SNTB2: variants seen among roughly 807,000 people sequenced by gnomAD.
SNTB2 encodes the protein syntrophin beta 2.
SNTB2 carries 34 observed loss-of-function variants against 46.2 expected under a neutral mutation model. The ratio of observed to expected loss-of-function variants is 0.74; its 90% confidence interval spans 0.56 to 0.98. The LOEUF is 0.98. Among genes scored for constraint, SNTB2 ranks in the 50% least tolerant of loss-of-function variants. SNTB2 has a pLI of 0.00. For missense variants in SNTB2, 603 were observed against 731.4 expected, an observed-to-expected ratio of 0.82 and a Z score of 2.02; for synonymous variants, 290 against 312.6, an observed-to-expected ratio of 0.93 and a Z score of 0.76.
chr16:69,272,636 A>G (rs1246788502), intron 4 of SNTB2, among the ~76,000 whole-genome samples: 1 of 151,742 alleles, frequency 6.6e-6, no homozygotes. Flanking sequence ...TCACGCCTGT[A>G]ATCACAACAC....
intron 5 of SNTB2, among the ~76,000 whole-genome samples, chr16:69,292,637 G>A (rs1343772952): frequency 2.2e-5 from 3 of 136,958 alleles, no homozygotes; most frequent in Non-Finnish European, 4.7e-5. Flanking sequence ...ATTTTTAGTA[G>A]AGGCGGGGTT....
chr16:69,256,296 C>T (rs1373832797), intron 2 of SNTB2, among the ~76,000 whole-genome samples: 3 of 152,164 alleles, frequency 2.0e-5, no homozygotes, highest in Non-Finnish European at 2.9e-5. Flanking sequence ...GTTGGGATTA[C>T]AGGCATGAGT....
intron 2 of SNTB2, among the ~76,000 whole-genome samples, chr16:69,256,772 T>TA (rs919088870): frequency 3.3e-5 from 5 of 152,240 alleles, no homozygotes; most frequent in Non-Finnish European, 5.9e-5. Context: ...GATGCTGCTA[T>TA]AAACATGGGT....
chr16:69,211,652 C>G (rs967815356), intron 1 of SNTB2, among the ~76,000 whole-genome samples: 3 of 151,934 alleles, frequency 2.0e-5, no homozygotes, highest in Non-Finnish European at 2.9e-5. Context: ...TATATTAAAG[C>G]TAGGGCCAAA....
At chr16:69,235,745 C>G in intron 1 of SNTB2, 2 of 1,288,940 alleles carry the variant, frequency 1.6e-6, no homozygotes, top group Non-Finnish European at 2.0e-6. Flanking sequence ...TCTCTGCTTT[C>G]AGGCCTATAA....
intron 3 of SNTB2, 124 bp from the exon 4 acceptor site, chr16:69,270,019 A>T: frequency 9.5e-7 from 1 of 1,052,326 alleles, no homozygotes; most frequent in East Asian, 2.4e-5. Context: ...TGTTTCCTGA[A>T]TGTAAAGTCC....
intron 1 of SNTB2, among the ~76,000 whole-genome samples, chr16:69,234,055 A>G (rs1311928650): frequency 1.3e-5 from 2 of 151,910 alleles, no homozygotes; most frequent in African/African-American, 4.8e-5. Flanking sequence ...AACAAGGGCC[A>G]GGCATGGTGA....
At position 69,304,760 on chromosome 16, in the gene SNTB2, C is replaced by G. The variant is rs541391558; in HGVS notation, c.*3836C>G. On this transcript the variant is annotated 3_prime_UTR_variant, in exon 7 of 7. Transcript: ENST00000336278. ...CTGACTGCAGCCTCAACCTTCTGGG[C>G]TCAAATGATCCTTTCACCTCAGCCT... The G allele has an allele frequency of 6.6e-6, 1 of 151,828 alleles. No homozygotes were observed. Among genetic ancestry groups the G allele is most frequent in the Non-Finnish European group, 1.5e-5 (1 of 68,004 alleles). 9.4% of individuals were successfully genotyped at this position (151,828 alleles called of 1,614,324 possible).
chr16:69,278,332 A>G (rs1004676993), intron 4 of SNTB2, among the ~76,000 whole-genome samples: 6 of 152,174 alleles, frequency 3.9e-5, no homozygotes, highest in Admixed American at 1.3e-4. Context: ...AAAATTAAAA[A>G]AAAAGAAAAT....
intron 1 of SNTB2, among the ~76,000 whole-genome samples, chr16:69,209,832 G>A (rs1486905893): frequency 6.6e-6 from 1 of 151,868 alleles, no homozygotes; most frequent in African/African-American, 2.4e-5. Flanking sequence ...TTATATAACC[G>A]AATGAGTCCC....
intron 3 of SNTB2, among the ~76,000 whole-genome samples, chr16:69,268,256 G>A (rs1444476983): frequency 6.6e-6 from 1 of 152,144 alleles, no homozygotes; most frequent in Non-Finnish European, 1.5e-5. Flanking sequence ...CTGAGGTCAA[G>A]AGTTCGAGAC....
At chr16:69,245,842 T>C (rs1210517064) in intron 2 of SNTB2, 27 bp downstream of exon 2, 5 of 1,600,068 alleles carry the variant, frequency 3.1e-6, no homozygotes, top group South Asian at 1.1e-5. Flanking sequence ...AAGAACATCA[T>C]ACCTACAGCT....
At chr16:69,200,475 G>A (rs780911861) in intron 1 of SNTB2, among the ~76,000 whole-genome samples, 1 of 152,110 alleles carries the variant, frequency 6.6e-6, no homozygotes, top group African/African-American at 2.4e-5. Flanking sequence ...TCAGGCCCAT[G>A]GGTTGAAATA....
rs1490260912 is a variant in SNTB2, at chr16:69,302,625, C to T, written c.*1701C>T. On this transcript the variant is annotated 3_prime_UTR_variant, in exon 7 of 7. Transcript: ENST00000336278. ...ATGAGCAGAGAGAGTTCTAGGTCAACATTGTAACTCCATTGTCCTCCTTCA... is the reference window on the plus strand; with the variant it reads ...ATGAGCAGAGAGAGTTCTAGGTCAATATTGTAACTCCATTGTCCTCCTTCA... 1 of 152,234 alleles carries T rather than the reference C, an allele frequency of 6.6e-6. No homozygotes were observed. The highest frequency in any genetic ancestry group is 1.5e-5 in the Non-Finnish European group (1 of 68,044). The allele number at this position is 152,234 out of a possible 1,614,324, so 9.4% of individuals were successfully genotyped here.
chr16:69,249,023 C>CT (rs34530998), intron 2 of SNTB2, among the ~76,000 whole-genome samples: 1,304 of 125,804 alleles, frequency 0.01, 30 homozygotes, highest in South Asian at 0.089. Flanking sequence ...TCATTTCTTT[C>CT]TTTTTTTTTT....
intron 5 of SNTB2, among the ~76,000 whole-genome samples, chr16:69,296,290 AT>A (rs199687189): frequency 1.2e-4 from 18 of 151,882 alleles, no homozygotes; most frequent in African/African-American, 3.6e-4. Context: ...CAAAAAAAAA[AT>A]TTTTTTTAAA....
At chr16:69,280,468 G>A (rs1237709259) in intron 4 of SNTB2, among the ~76,000 whole-genome samples, 52 of 146,480 alleles carry the variant, frequency 3.5e-4, no homozygotes, top group Non-Finnish European at 6.6e-4. Flanking sequence ...CCTCCCGGAC[G>A]GGGCGGCTGG....
At chr16:69,260,675 C>T (rs1187695520) in intron 3 of SNTB2, among the ~76,000 whole-genome samples, 2 of 152,144 alleles carry the variant, frequency 1.3e-5, no homozygotes, top group Non-Finnish European at 2.9e-5. Context: ...GGTGTGACTG[C>T]GTTTCAGTAA....
chr16:69,219,365 C>G (rs967322103), intron 1 of SNTB2, among the ~76,000 whole-genome samples: 1 of 152,154 alleles, frequency 6.6e-6, no homozygotes, highest in Non-Finnish European at 1.5e-5. Flanking sequence ...GATGTCAACT[C>G]AAAGAACATT....
Sources: gnomAD v4.1 joint callset for allele counts (sites outside exome capture counted in the v4.1 genomes callset) on GRCh38, gnomAD v4.1.1 for gene constraint, MANE v1.5 for transcripts, NCBI Gene and HGNC (gene_info 2026-07-23, HGNC 2026-07-21) for gene names.